PRDM16: variants seen among roughly 807,000 people sequenced by gnomAD.
PRDM16 encodes the protein PR/SET domain 16.
A neutral mutation model predicts 110.6 loss-of-function variants in PRDM16; 23 were observed. The ratio of observed to expected loss-of-function variants is 0.21; its 90% CI spans 0.15 to 0.29. The LOEUF (loss-of-function observed/expected upper bound fraction) is 0.29, where lower values mean the gene tolerates loss of function less well. Among genes scored for constraint, PRDM16 ranks in the 10% least tolerant of loss-of-function variants. The pLI is 1.00. For missense variants in PRDM16, 1,615 were observed against 1,794.3 expected, an observed-to-expected ratio of 0.90 and a Z score of 1.81; for synonymous variants, 799 against 781.8, an observed-to-expected ratio of 1.02 and a Z score of -0.37.
chr1:3,266,133 G>A (rs1188925845), intron 3 of PRDM16, among the ~76,000 whole-genome samples: 1 of 152,210 alleles, frequency 6.6e-6, no homozygotes, highest in African/African-American at 2.4e-5. Context: ...TTTTCTTCCT[G>A]GGGAAAATGT....
chr1:3,172,139 A>G (rs1644032764), intron 1 of PRDM16, among the ~76,000 whole-genome samples: 1 of 152,196 alleles, frequency 6.6e-6, no homozygotes, highest in South Asian at 2.1e-4. Flanking sequence ...AGTTGAGAAC[A>G]GAATCACCCA....
At chr1:3,407,111 C>A (rs1354707806) in intron 8 of PRDM16, among the ~76,000 whole-genome samples, 2 of 152,196 alleles carry the variant, frequency 1.3e-5, no homozygotes, top group Middle Eastern at 3.2e-3. Flanking sequence ...CCTGGAGAGG[C>A]GGGGTGCTGG....
intron 3 of PRDM16, among the ~76,000 whole-genome samples, chr1:3,345,362 G>T (rs1642341149): frequency 6.6e-6 from 1 of 152,188 alleles, no homozygotes; most frequent in Non-Finnish European, 1.5e-5. Context: ...GTGGGAACCG[G>T]AGGCTCCTGG....
chr1:3,073,541 C>G (rs996177507), intron 1 of PRDM16, among the ~76,000 whole-genome samples: 2 of 152,178 alleles, frequency 1.3e-5, no homozygotes, highest in Admixed American at 1.3e-4. Context: ...GCGACTTCCC[C>G]GTGCGGGAAG....
At chr1:3,202,952 AAGG>A (rs1638668267) in intron 2 of PRDM16, among the ~76,000 whole-genome samples, 1 of 151,980 alleles carries the variant, frequency 6.6e-6, no homozygotes, top group African/African-American at 2.4e-5. Context: ...GGTGTGGGGG[AAGG>A]AGTTTTCTTT....
intron 1 of PRDM16, among the ~76,000 whole-genome samples, chr1:3,110,380 T>C (rs1044757817): frequency 2.0e-5 from 3 of 149,690 alleles, no homozygotes; most frequent in African/African-American, 7.4e-5. Flanking sequence ...TGTCTGCGGC[T>C]CCCCCATGTC....
At chr1:3,329,649 G>A (rs1314241906) in intron 3 of PRDM16, among the ~76,000 whole-genome samples, 1 of 152,236 alleles carries the variant, frequency 6.6e-6, no homozygotes, top group Non-Finnish European at 1.5e-5. Flanking sequence ...TCCAGCCCAG[G>A]GCGAGCCTTC....
rs765245498 is a variant in PRDM16 at position 3,411,583 on chromosome 1, C to T, written c.1386C>T (p.Pro462=). The T allele has an allele frequency of 6.2e-6, 10 of 1,614,076 alleles. No individual in the cohort carries two copies. Among genetic ancestry groups the T allele is most frequent in the Non-Finnish European group, 8.5e-6 (10 of 1,180,030 alleles). ...GCGGCATCTTTGCCCCGGGCCTGCC[C>T]TTGACCCCCAGCCCCATGATGGACA... The part of the protein sequence containing the change: ...TPGGIFAPGL[P]LTPSPMMDKA... The change falls in exon 9 of 17, where the codon CCC becomes CCT. Residue 462 remains proline, a synonymous_variant. Transcript: ENST00000270722.
intron 3 of PRDM16, among the ~76,000 whole-genome samples, chr1:3,266,033 T>G (rs145198878): frequency 2.6e-5 from 4 of 152,312 alleles, no homozygotes; most frequent in African/African-American, 9.6e-5. Context: ...CTCCGTCGTC[T>G]TGAGTCCATC....
At position 3,360,334 on chromosome 1, in the gene PRDM16, T is replaced by G. The variant is rs191063961; in HGVS notation, c.439-24818T>G. On this transcript the variant is annotated intron_variant, in intron 3 of 16. Transcript: ENST00000270722. The stretch of plus-strand genomic sequence containing the variant: ...TCTTCTAGGCTCTGCCTTGCCAGGA[T>G]GGAGCACCCTCATGCTCTGTGATGG... Among the ~76,000 whole-genome samples, 14 of 152,268 alleles carry G rather than the reference T, an allele frequency of 9.2e-5. No homozygotes were observed. The East Asian group carries it at 2.7e-3, about 29-fold the overall frequency.
At chr1:3,395,424 C>T (rs766880934) in intron 4 of PRDM16, among the ~76,000 whole-genome samples, 2 of 152,132 alleles carry the variant, frequency 1.3e-5, no homozygotes, top group Non-Finnish European at 1.5e-5. Flanking sequence ...CCCCAGGTCT[C>T]GCAGGGGCAG....
intron 2 of PRDM16, among the ~76,000 whole-genome samples, chr1:3,195,243 C>T (rs935098309): frequency 1.2e-4 from 19 of 152,236 alleles, no homozygotes; most frequent in Non-Finnish European, 2.9e-5. Context: ...AGTCACAGCA[C>T]AGGCTTCCCA....
At chr1:3,194,778 A>G (rs1638421650) in intron 2 of PRDM16, among the ~76,000 whole-genome samples, 1 of 151,544 alleles carries the variant, frequency 6.6e-6, no homozygotes, top group Admixed American at 6.6e-5. Flanking sequence ...TCTCAGTCCC[A>G]CGTTTTATCA....
intron 3 of PRDM16, among the ~76,000 whole-genome samples, chr1:3,284,531 G>A (rs940211910): frequency 4.6e-5 from 7 of 152,174 alleles, no homozygotes; most frequent in Non-Finnish European, 8.8e-5. Context: ...TGGCACTGTC[G>A]CCGTGAAGCC....
chr1:3,335,462 T>G (rs1642124502), intron 3 of PRDM16, among the ~76,000 whole-genome samples: 1 of 152,172 alleles, frequency 6.6e-6, no homozygotes, highest in South Asian at 2.1e-4. Flanking sequence ...ACGTCGCATG[T>G]CCGAAAGCGT....
At chr1:3,414,749 G>A (rs894744360) in intron 10 of PRDM16, 102 bp downstream of exon 10, 38 of 872,346 alleles carry the variant, frequency 4.4e-5, no homozygotes, top group Non-Finnish European at 5.9e-5. Context: ...CTAAGTCCCC[G>A]TCCAGGCCAT....
At chr1:3,393,143 G>A (rs770880018) in intron 4 of PRDM16, among the ~76,000 whole-genome samples, 4 of 152,232 alleles carry the variant, frequency 2.6e-5, no homozygotes, top group Admixed American at 6.5e-5. Flanking sequence ...CACCCTCTCA[G>A]ATCCTTAAAC....
At position 3,225,573 on chromosome 1, in the gene PRDM16, T is replaced by TGTGTGTGC. The variant is rs1336272072; in HGVS notation, c.388-18513_388-18512insTGTGTGCG. On this transcript the variant is annotated intron_variant, in intron 2 of 16. Transcript: ENST00000270722. ...GTGTGTGTGTGTGTGTGTGTGTGTG[T>TGTGTGTGC]GCGCGCGCGCAGAAGGAAGGAAACG... 3.8e-3 allele frequency among the ~76,000 whole-genome samples: 499 copies of TGTGTGTGC among 129,844 alleles called. 1 individual carries two copies. The highest frequency in any genetic ancestry group is 0.012 in the African/African-American group (461 of 37,480). 85.2% of individuals were successfully genotyped at this position (129,844 alleles called of 152,430 possible).
Position 3,284,327 on chromosome 1 carries a change from G to T in PRDM16, c.438+40190G>T, listed in dbSNP as rs200306012. On this transcript the variant is annotated intron_variant, in intron 3 of 16. Coordinates refer to ENST00000270722, the MANE Select transcript of PRDM16 (RefSeq NM_022114.4). Reference sequence around the variant, plus strand: ...TTTTTATGTAAACTGAGTGGTTCCTGGAGTGTGTTTTTTAAAGTGTTAAGA... The same window carrying T: ...TTTTTATGTAAACTGAGTGGTTCCTTGAGTGTGTTTTTTAAAGTGTTAAGA... Among the ~76,000 whole-genome samples, 12 of 152,372 alleles carry T rather than the reference G, an allele frequency of 7.9e-5. No individual in the cohort carries two copies. The East Asian group carries it at 2.3e-3, about 29-fold the overall frequency.
Sources: allele counts gnomAD v4.1 joint callset (sites outside exome capture counted in the v4.1 genomes callset), GRCh38; gene constraint gnomAD v4.1.1; transcripts MANE v1.5; gene names NCBI Gene and HGNC (gene_info 2026-07-23, HGNC 2026-07-21).